The following MRTFA variants were observed in gnomAD, a reference collection of about 807,000 sequenced individuals.
MRTFA encodes myocardin related transcription factor A.
Under a neutral mutation model 83.5 loss-of-function variants are expected in MRTFA, and 20 were observed. The observed-to-expected ratio is 0.24, with a 90% CI of 0.17 to 0.35. MRTFA has a LOEUF of 0.35. Among genes scored for constraint, MRTFA ranks in the 10% least tolerant of loss-of-function variants. The pLI, the probability that MRTFA is intolerant of heterozygous loss-of-function variation, is 1.00. For missense variants in MRTFA, 1,200 were observed against 1,224.7 expected (o/e 0.98, Z 0.30); for synonymous variants, 659 against 541.2 (o/e 1.22, Z -3.02).
At chr22:40,418,243 G>A (rs1244268220) in intron 12 of MRTFA, 131 bp downstream of exon 12, 1 of 1,471,842 alleles carries the variant, frequency 6.8e-7, no homozygotes, top group Non-Finnish European at 9.0e-7. Flanking sequence ...GTACCCCCCT[G>A]GTGAAGGAAG....
intron 3 of MRTFA, among the ~76,000 whole-genome samples, chr22:40,477,894 A>G (rs2054024652): frequency 6.6e-6 from 1 of 152,092 alleles, no homozygotes; most frequent in Non-Finnish European, 1.5e-5. Flanking sequence ...GCAGTTTAGG[A>G]ACATGTAGTC....
chr22:40,427,110 T>A (rs920997164), intron 7 of MRTFA, among the ~76,000 whole-genome samples: 9 of 152,226 alleles, frequency 5.9e-5, no homozygotes, highest in African/African-American at 2.2e-4. Context: ...GGACTTCACA[T>A]GGCCTGGCAC....
At position 40,410,991 on chromosome 22, in the gene MRTFA, G is replaced by C. The variant is rs2052509837; in HGVS notation, c.*399C>G. ...TTCACAGCAAAGCAGGGAGAGAAAG[G>C]AAGGAGATTCACCCCTTAACCTGTC... is the stretch of plus-strand genomic sequence containing the variant. On this transcript the variant is annotated 3_prime_UTR_variant, in exon 15 of 15. Transcript: ENST00000355630. 7 of 241,744 alleles carry C rather than the reference G, an allele frequency of 2.9e-5. No individual in the cohort carries two copies. In the South Asian group the frequency reaches 1.2e-3, roughly 43 times the overall value. 15.0% of individuals were successfully genotyped at this position (241,744 alleles called of 1,614,324 possible). A position where few individuals can be genotyped will look rare whatever the true frequency, so the allele number is the denominator to read the frequency against.
At chr22:40,435,161 G>T (rs1335089411) in intron 5 of MRTFA, among the ~76,000 whole-genome samples, 1 of 152,214 alleles carries the variant, frequency 6.6e-6, no homozygotes, top group East Asian at 1.9e-4. Context: ...AAAACGTTAA[G>T]TGGAATTAAA....
intron 3 of MRTFA, among the ~76,000 whole-genome samples, chr22:40,535,353 T>TC (rs1569316631): frequency 1.5e-5 from 2 of 131,416 alleles, no homozygotes; most frequent in Admixed American, 7.6e-5. Flanking sequence ...TTTTTCTTTT[T>TC]TTTTTTTTTT....
intron 3 of MRTFA, among the ~76,000 whole-genome samples, chr22:40,517,141 T>C (rs952070518): frequency 6.6e-6 from 1 of 152,222 alleles, no homozygotes; most frequent in Non-Finnish European, 1.5e-5. Context: ...CAGGCTGTTC[T>C]AGAGCTCCTG....
intron 3 of MRTFA, among the ~76,000 whole-genome samples, chr22:40,500,890 T>C (rs1207499379): frequency 6.6e-6 from 1 of 150,826 alleles, no homozygotes; most frequent in East Asian, 2.0e-4. Context: ...TCCTGGCCCA[T>C]TCTCAATGAG....
Position 40,423,566 on chromosome 22 carries a change from G to A in MRTFA, c.897C>T (p.Pro299=). 6.3e-7 allele frequency: 1 copy of A among 1,582,748 alleles called. No homozygotes were observed. The highest frequency in any genetic ancestry group is 1.4e-5 in the African/African-American group (1 of 73,992). The change falls in exon 9 of 15, where the codon CCC becomes CCT. Residue 299 remains proline, a synonymous_variant. Coordinates refer to ENST00000355630, the MANE Select transcript of MRTFA (RefSeq NM_020831.6). ...TGAGTGTGGGGGTGGACTTGGCAGT[G>A]GGGATAGTGGTTCCATTGGTGAGGC... is the stretch of plus-strand genomic sequence containing the variant.
At chr22:40,575,056 G>C (rs930116585) in intron 2 of MRTFA, among the ~76,000 whole-genome samples, 2 of 152,194 alleles carry the variant, frequency 1.3e-5, no homozygotes. Context: ...TAGAAAAGTA[G>C]CATGGGCTTA....
At chr22:40,508,171 G>A (rs554199845) in intron 3 of MRTFA, among the ~76,000 whole-genome samples, 18 of 152,080 alleles carry the variant, frequency 1.2e-4, no homozygotes, top group African/African-American at 3.6e-4. Context: ...ATAAATCACA[G>A]ATGCTGATAG....
chr22:40,629,376 A>G (rs6001984), intron 1 of MRTFA, among the ~76,000 whole-genome samples: 15,194 of 149,898 alleles, frequency 0.1, 924 homozygotes, highest in East Asian at 0.25. Flanking sequence ...AACCCGGGAG[A>G]CGGAGGTTGC....
chr22:40,474,197 G>C (rs1412371155), intron 3 of MRTFA, among the ~76,000 whole-genome samples: 1 of 152,096 alleles, frequency 6.6e-6, no homozygotes, highest in Non-Finnish European at 1.5e-5. Context: ...TATGATCTCT[G>C]CTCACATAAA....
intron 9 of MRTFA, among the ~76,000 whole-genome samples, chr22:40,422,569 T>C (rs1363365703): frequency 6.6e-6 from 1 of 152,154 alleles, no homozygotes; most frequent in Non-Finnish European, 1.5e-5. Context: ...CACTCACTGC[T>C]CCCAAGGCCT....
At chr22:40,623,019 G>A (rs747659701) in intron 1 of MRTFA, among the ~76,000 whole-genome samples, 1 of 152,128 alleles carries the variant, frequency 6.6e-6, no homozygotes, top group Non-Finnish European at 1.5e-5. Context: ...TGAGTAACTA[G>A]AAGAGTTATC....
At chr22:40,627,587 A>G (rs1000179497) in intron 1 of MRTFA, among the ~76,000 whole-genome samples, 15 of 152,376 alleles carry the variant, frequency 9.8e-5, no homozygotes, top group Middle Eastern at 3.4e-3. Flanking sequence ...ATTTTCGCTA[A>G]CTATGCAAAA....
At chr22:40,595,257 A>G (rs1344064457) in intron 1 of MRTFA, among the ~76,000 whole-genome samples, 1 of 151,132 alleles carries the variant, frequency 6.6e-6, no homozygotes, top group Non-Finnish European at 1.5e-5. Flanking sequence ...GTAGGCTGGG[A>G]CTACAGGTGT....
intron 4 of MRTFA, among the ~76,000 whole-genome samples, chr22:40,460,248 A>G (rs1295292693): frequency 6.6e-6 from 1 of 152,122 alleles, no homozygotes; most frequent in African/African-American, 2.4e-5. Context: ...AACATAGAAT[A>G]TTACAAGAAA....
Position 40,424,323 on chromosome 22 carries a change from G to A in MRTFA, c.660C>T (p.Ser220=), listed in dbSNP as rs144127956. The change falls in exon 8 of 15, where the codon AGC becomes AGT. Residue 220 remains serine (S), a synonymous_variant. Coordinates refer to ENST00000355630, the MANE Select transcript of MRTFA (RefSeq NM_020831.6). ...CAGGCTGCTCGGGGGATAAGGCATC[G>A]CTGCTGTCCTCATCGAAGGAAGAGC... 110 of 1,613,000 alleles carry A rather than the reference G, an allele frequency of 6.8e-5. No homozygotes were observed. Among genetic ancestry groups the A allele is most frequent in the Middle Eastern group, 3.3e-4 (2 of 6,056 alleles).
intron 3 of MRTFA, chr22:40,533,451 A>T (rs2055116571): frequency 7.0e-6 from 3 of 430,292 alleles, no homozygotes; most frequent in Non-Finnish European, 1.2e-5. Context: ...AAAAAACTGA[A>T]AATGCAGTAC....
Sources: allele counts gnomAD v4.1 joint callset (sites outside exome capture counted in the v4.1 genomes callset), GRCh38; gene constraint gnomAD v4.1.1; transcripts MANE v1.5; gene names NCBI Gene and HGNC (gene_info 2026-07-23, HGNC 2026-07-21).